Variants in RGSL1 observed in about 807,000 individuals in gnomAD.
The protein encoded by RGSL1 is regulator of G protein signaling like 1, also known as regulator of G protein signaling protein-like.
In RGSL1, 97 loss-of-function variants were observed where a neutral mutation model predicts 124.7. The observed-to-expected ratio is 0.78, with a 90% CI of 0.66 to 0.92. RGSL1 has a LOEUF of 0.92. Ranked by LOEUF, RGSL1 falls within the 40% of genes least tolerant of loss-of-function variation. The pLI, the probability that RGSL1 is intolerant of heterozygous loss-of-function variation, is 0.00. For synonymous variants in RGSL1, 424 were observed against 438.1 expected (o/e 0.97, Z 0.40); for missense variants, 1,233 against 1,288.4 (o/e 0.96, Z 0.66).
At chr1:182,465,399 T>C (rs986527158) in intron 4 of RGSL1, among the ~76,000 whole-genome samples, 2 of 137,768 alleles carry the variant, frequency 1.5e-5, no homozygotes, top group African/African-American at 5.5e-5. Context: ...CACTCATAGG[T>C]GGGAATTGAA....
intron 3 of RGSL1, 44 bp from the exon 4 acceptor site, chr1:182,459,960 C>G (rs529276989): frequency 6.5e-7 from 1 of 1,535,124 alleles, no homozygotes; most frequent in Admixed American, 2.0e-5. Context: ...TTTAGCAGTT[C>G]GGTTTCACTT....
At chr1:182,481,075 T>G (rs1315566226) in intron 6 of RGSL1, among the ~76,000 whole-genome samples, 1 of 151,958 alleles carries the variant, frequency 6.6e-6, no homozygotes, top group Non-Finnish European at 1.5e-5. Flanking sequence ...AACCTAAACT[T>G]ATCAGAAGGA....
intron 6 of RGSL1, among the ~76,000 whole-genome samples, chr1:182,482,448 C>T (rs1654779524): frequency 6.6e-6 from 1 of 152,062 alleles, no homozygotes; most frequent in Non-Finnish European, 1.5e-5. Flanking sequence ...AGAAGTGAAA[C>T]TATATAGAAA....
At chr1:182,549,038 G>T in intron 17 of RGSL1, 1 of 500,966 alleles carries the variant, frequency 2.0e-6, no homozygotes, top group South Asian at 2.8e-5. Context: ...AAGACTGAGA[G>T]CCAAACGCCT....
At chr1:182,456,267 G>A (rs1263136748) in intron 2 of RGSL1, among the ~76,000 whole-genome samples, 1 of 151,796 alleles carries the variant, frequency 6.6e-6, no homozygotes, top group East Asian at 1.9e-4. Context: ...TATTGTCTCT[G>A]CCACTGTCTT....
intron 9 of RGSL1, among the ~76,000 whole-genome samples, chr1:182,503,902 A>G (rs1261435296): frequency 1.3e-5 from 2 of 151,988 alleles, no homozygotes; most frequent in African/African-American, 4.8e-5. Flanking sequence ...CACAAAAATT[A>G]AAAGTTTTTT....
intron 4 of RGSL1, among the ~76,000 whole-genome samples, chr1:182,470,028 T>G (rs1653698489): frequency 6.6e-6 from 1 of 152,004 alleles, no homozygotes. Context: ...GCAGTGACTG[T>G]TTAATGAGTA....
chr1:182,530,126 C>T (rs909295934), intron 11 of RGSL1, 118 bp from the exon 12 acceptor site: 2 of 674,832 alleles, frequency 3.0e-6, no homozygotes, highest in Admixed American at 2.9e-5. Flanking sequence ...CAGAGTCTAG[C>T]CAGATTGAAA....
At chr1:182,482,851 C>A (rs1382466355) in intron 6 of RGSL1, among the ~76,000 whole-genome samples, 4 of 152,060 alleles carry the variant, frequency 2.6e-5, no homozygotes, top group Non-Finnish European at 4.4e-5. Flanking sequence ...TCACAATAGC[C>A]AAGATATGAA....
At chr1:182,500,575 T>C (rs575889861) in intron 9 of RGSL1, among the ~76,000 whole-genome samples, 6 of 152,208 alleles carry the variant, frequency 3.9e-5, no homozygotes, top group African/African-American at 1.4e-4. Flanking sequence ...GAGATTGTAC[T>C]GAATCTATAG....
intron 18 of RGSL1, among the ~76,000 whole-genome samples, chr1:182,553,229 G>A (rs1315229971): frequency 6.6e-6 from 1 of 152,138 alleles, no homozygotes; most frequent in Non-Finnish European, 1.5e-5. Context: ...TAAAGGTCTT[G>A]CCTCTTAATA....
chr1:182,515,782 G>C (rs976241780), intron 9 of RGSL1, among the ~76,000 whole-genome samples: 1 of 152,146 alleles, frequency 6.6e-6, no homozygotes, highest in Non-Finnish European at 1.5e-5. Context: ...GGTGCAGCTC[G>C]TACGTGCTGC....
At chr1:182,524,449 A>G (rs1658590059) in intron 10 of RGSL1, among the ~76,000 whole-genome samples, 1 of 152,222 alleles carries the variant, frequency 6.6e-6, no homozygotes, top group African/African-American at 2.4e-5. Context: ...GGAGAAAATC[A>G]GACTTCTGGA....
rs1232911187 is a variant in RGSL1, at chr1:182,493,055, A to G, written c.1751A>G (p.Tyr584Cys). 8 of 1,551,604 alleles carry G rather than the reference A, an allele frequency of 5.2e-6. No homozygotes were observed. The highest frequency in any genetic ancestry group is 7.0e-6 in the Non-Finnish European group (8 of 1,146,882). Residue 584 changes from tyrosine to cysteine, a missense_variant, in exon 9 of 22, where the codon TAC (tyrosine) becomes TGC (cysteine). Transcript: ENST00000294854. ...ITKMSFEELC[Y>C]KNPKMAIQKI... ...AAAATGTCCTTTGAGGAGCTTTGCT[A>G]CAAGAACCCAAAGATGGCCATACAG...
chr1:182,457,697 A>G (rs1652459794), intron 2 of RGSL1, among the ~76,000 whole-genome samples: 1 of 152,198 alleles, frequency 6.6e-6, no homozygotes, highest in African/African-American at 2.4e-5. Context: ...TTTGTTGCCC[A>G]TGATGAGACT....
intron 4 of RGSL1, 57 bp from the exon 5 acceptor site, chr1:182,472,339 A>G (rs1297783989): frequency 3.5e-5 from 52 of 1,469,272 alleles, no homozygotes; most frequent in Non-Finnish European, 4.2e-5. Flanking sequence ...CCCAGATGCA[A>G]CCACCAAAGG....
At position 182,512,815 on chromosome 1, in the gene RGSL1, T is replaced by C. The variant is rs145136652; in HGVS notation, c.1826-9189T>C. ...CTGAAAAAGGGATGGAGTGGGGAGA[T>C]GATCTTCCCCTGGAGTTTGGCTACC... On this transcript the variant is annotated intron_variant, in intron 9 of 21. Coordinates refer to ENST00000294854, the MANE Select transcript of RGSL1 (RefSeq NM_001137669.2). 7.3e-3 allele frequency among the ~76,000 whole-genome samples: 1,107 copies of C among 152,324 alleles called. 13 individuals are homozygous for C. The highest frequency in any genetic ancestry group is 0.026 in the African/African-American group (1,063 of 41,558).
chr1:182,548,278 C>A (rs1204652467), intron 15 of RGSL1, 39 bp from the exon 16 acceptor site: 1 of 1,550,774 alleles, frequency 6.4e-7, no homozygotes, highest in Middle Eastern at 1.7e-4. Flanking sequence ...CTGTTTTCAT[C>A]TTCTCCTCCT....
intron 9 of RGSL1, among the ~76,000 whole-genome samples, chr1:182,512,567 G>A (rs1212672066): frequency 6.6e-6 from 1 of 152,168 alleles, no homozygotes; most frequent in African/African-American, 2.4e-5. Context: ...AGCTTCTACA[G>A]GTGGGTGCCT....
Sources: allele counts gnomAD v4.1 joint callset (sites outside exome capture counted in the v4.1 genomes callset), GRCh38; gene constraint gnomAD v4.1.1; transcripts MANE v1.5; gene names NCBI Gene and HGNC (gene_info 2026-07-23, HGNC 2026-07-21).